SBK2: variants seen among roughly 807,000 people sequenced by gnomAD.
SBK2 encodes the protein serine/threonine-protein kinase SBK2.
SBK2 carries 18 observed loss-of-function variants against 15.9 expected under a neutral mutation model. The ratio of observed to expected loss-of-function variants is 1.13; its 90% CI spans 0.78 to 1.68. The LOEUF is 1.68. Among genes scored for constraint, SBK2 ranks in the 40% most tolerant of loss-of-function variants. The probability of loss-of-function intolerance (pLI) is 0.00; values close to 1 mark genes in which losing one functional copy is unlikely to be tolerated. For missense variants in SBK2, 581 were observed against 510.9 expected (o/e 1.14, Z -1.32); for synonymous variants, 284 against 246.8 (o/e 1.15, Z -1.41).
Position 55,530,205 on chromosome 19 carries a change from C to T in SBK2, c.575G>A (p.Cys192Tyr), listed in dbSNP as rs995070880. 2 of 1,535,220 alleles carry T rather than the reference C, an allele frequency of 1.3e-6. No homozygotes were observed. Among genetic ancestry groups the T allele is most frequent in the African/African-American group, 1.4e-5 (1 of 71,122 alleles). ...CTTGAAGCGCCGGCAGGCCGGGTCG[C>T]ACACCAGGACGTTCTCCGGCTTCAG... ...RDLKPENVLV[C>Y]DPACRRFKLT... Residue 192 changes from cysteine to tyrosine, a missense_variant, in exon 4 of 4, where the codon TGC becomes TAC. Physicochemically the swap from Cys to Tyr is radical, Grantham distance 194. Transcript: ENST00000413299.
chr19:55,533,278 C>T (rs1044853931), intron 2 of SBK2, among the ~76,000 whole-genome samples: 1 of 151,286 alleles, frequency 6.6e-6, no homozygotes, highest in African/African-American at 2.4e-5. Context: ...TTGTAGTGAG[C>T]CAAGATTGTA....
rs751768942 is a variant in SBK2, at chr19:55,531,257, G to A, written c.342C>T (p.Gly114=). The A allele has an allele frequency of 1.5e-5, 25 of 1,613,456 alleles. No homozygotes were observed. Among genetic ancestry groups the A allele is most frequent in the East Asian group, 4.5e-5 (2 of 44,882 alleles). ...AGGCCGTCACGATGGCTGAGTGCGC[G>A]CCCAGCGAGAGCCCCACACAGAACT... ...LYEFCVGLSL[G]AHSAIVTAYG... is the part of the protein sequence containing the mutation. Residue 114 remains glycine (G), a synonymous_variant, in exon 3 of 4, where the codon GGC becomes GGT. Coordinates refer to ENST00000413299, the MANE Select transcript of SBK2 (RefSeq NM_001370096.2).
chr19:55,536,426 C>T, intron 1 of SBK2, 130 bp from the exon 2 acceptor site: 1 of 686,632 alleles, frequency 1.5e-6, no homozygotes, highest in East Asian at 3.9e-5. Context: ...GTGACTCAGT[C>T]TCCCTCTTGG....
intron 2 of SBK2, among the ~76,000 whole-genome samples, chr19:55,533,421 G>A (rs1056495692): frequency 6.6e-5 from 10 of 151,886 alleles, no homozygotes; most frequent in African/African-American, 2.2e-4. Context: ...GCCCAGGTGG[G>A]TGGATCACTT....
chr19:55,531,183 G>A lies in SBK2; in HGVS notation c.416C>T (p.Pro139Leu), dbSNP rs1337403834. The change falls in exon 3 of 4, where the codon CCC (proline) becomes CTC (leucine). Residue 139 changes from proline to leucine, a missense_variant. Coordinates refer to ENST00000413299, the MANE Select transcript of SBK2 (RefSeq NM_001370096.2). Reference sequence around the variant, plus strand: ...GGCCATGAGGTCCCCGTGCAGGACGGGCTCCGTCAGGAAGCTGTAGGAGTG... The same window carrying A: ...GGCCATGAGGTCCCCGTGCAGGACGAGCTCCGTCAGGAAGCTGTAGGAGTG... ...SAHSYSFLTE[P>L]VLHGDLMAFI... 1.2e-6 allele frequency: 2 copies of A among 1,613,044 alleles called. No individual in the cohort carries two copies. Among genetic ancestry groups the A allele is most frequent in the East Asian group, 4.5e-5 (2 of 44,882 alleles).
chr19:55,536,808 C>G (rs1470015966), intron 1 of SBK2, among the ~76,000 whole-genome samples: 1 of 150,954 alleles, frequency 6.6e-6, no homozygotes, highest in East Asian at 2.0e-4. Context: ...CCCTCCTCCG[C>G]CAGGCCCAGG....
chr19:55,536,398 C>T (rs1599945634), intron 1 of SBK2, 102 bp from the exon 2 acceptor site: 3 of 868,300 alleles, frequency 3.5e-6, no homozygotes, highest in Non-Finnish European at 4.4e-6. Context: ...GGGCTGGGGG[C>T]TCATCGCGCT....
intron 3 of SBK2, 111 bp downstream of exon 3, chr19:55,531,032 G>C: frequency 2.1e-6 from 2 of 965,418 alleles, no homozygotes; most frequent in African/African-American, 1.6e-5. Flanking sequence ...GGGTAGGGGA[G>C]GCCCAGGGAG....
chr19:55,530,055 G>A lies in SBK2; in HGVS notation c.725C>T (p.Pro242Leu). The change falls in exon 4 of 4, where the codon CCC becomes CTC. Residue 242 changes from proline to leucine, a missense_variant. Transcript: ENST00000413299. ...PPLPEGLPIQ[P>L]ALDAWALGVL... ...GCCCAGCGCCCAGGCGTCCAGGGCG[G>A]GCTGAATGGGCAGGCCCTCGGGGAG... is the stretch of plus-strand genomic sequence containing the variant. 6.8e-7 allele frequency: 1 copy of A among 1,463,650 alleles called. No homozygotes were observed. The allele number at this position is 1,463,650 out of a possible 1,614,324, so 90.7% of individuals were successfully genotyped here. A position where few individuals can be genotyped will look rare whatever the true frequency, so the allele number is the denominator to read the frequency against.
intron 2 of SBK2, among the ~76,000 whole-genome samples, chr19:55,532,844 AGACG>A: frequency 6.6e-6 from 1 of 152,124 alleles, no homozygotes; most frequent in Admixed American, 6.5e-5. Flanking sequence ...AAATTTGTAG[AGACG>A]GTCTCGCTAT....
rs188284030 is a variant in SBK2 at position 55,531,638 on chromosome 19, G to T, written c.254-293C>A. 2.6e-3 allele frequency among the ~76,000 whole-genome samples: 398 copies of T among 152,332 alleles called. 1 individual carries two copies. Among genetic ancestry groups the T allele is most frequent in the African/African-American group, 9.2e-3 (383 of 41,574 alleles). ...GTGGGAGGATCCGTTGAGGCCAGGA[G>T]TTTGAGACCAGCTCGGACAACACAG... On this transcript the variant is annotated intron_variant, in intron 2 of 3. Coordinates refer to ENST00000413299, the MANE Select transcript of SBK2 (RefSeq NM_001370096.2).
intron 1 of SBK2, among the ~76,000 whole-genome samples, chr19:55,536,501 T>A (rs907874141): frequency 6.7e-6 from 1 of 149,960 alleles, no homozygotes; most frequent in Non-Finnish European, 1.5e-5. Context: ...CCTGCCCGCG[T>A]GCCGCCGCCG....
In SBK2 at chr19:55,529,803, C is replaced by T. The variant is rs1361922517; in HGVS notation, c.977G>A (p.Gly326Glu). Residue 326 changes from glycine (G) to glutamate (E), a missense_variant, in exon 4 of 4, where the codon GGG (glycine) becomes GAG (glutamate). By Grantham distance (98) the Gly-to-Glu change is moderately conservative. Coordinates refer to ENST00000413299, the MANE Select transcript of SBK2 (RefSeq NM_001370096.2). ...GCCCTCCCGCTGCCTCCAGGGGCGCCCCAGGTGCTCCCTGATGGCGATCAC... is the reference window on the plus strand; with the variant it reads ...GCCCTCCCGCTGCCTCCAGGGGCGCTCCAGGTGCTCCCTGATGGCGATCAC... The part of the protein sequence containing the change: ...SAVIAIREHL[G>E]RPWRQREGEA... 4 of 1,604,504 alleles carry T rather than the reference C, an allele frequency of 2.5e-6. No individual in the cohort carries two copies. Among genetic ancestry groups the T allele is most frequent in the East Asian group, 2.2e-5 (1 of 44,834 alleles).
In SBK2 at chr19:55,529,696, T is replaced by G. The variant is rs753955882; in HGVS notation, c.*37A>C. 4.4e-6 allele frequency: 7 copies of G among 1,585,306 alleles called. No homozygotes were observed. In the South Asian group the frequency reaches 6.7e-5, roughly 15 times the overall value. On this transcript the variant is annotated 3_prime_UTR_variant, in exon 4 of 4. Transcript: ENST00000413299. ...AGCCGTTGGCCTTGGGGGCCTCGGG[T>G]GGGGCGGCTTCCCTTTCTGCATCCC... is the stretch of plus-strand genomic sequence containing the variant.
intron 3 of SBK2, 122 bp from the exon 4 acceptor site, chr19:55,530,445 G>T: frequency 1.2e-6 from 1 of 803,616 alleles, no homozygotes; most frequent in Non-Finnish European, 1.8e-6. Context: ...GGCCCTGTGA[G>T]GCCTAGTGTG....
chr19:55,535,011 C>T (rs1407567104), intron 2 of SBK2, among the ~76,000 whole-genome samples: 1 of 150,732 alleles, frequency 6.6e-6, no homozygotes, highest in Non-Finnish European at 1.5e-5. Context: ...GGCAACAGAG[C>T]GAGACTCCAT....
rs1568492522 is a variant in SBK2, at chr19:55,533,698, A to AAT, written c.253+2343_253+2344insAT. ...AAAAAAAAAAAAAAAAAAAAAAAAA[A>AAT]GAAAAAGTTCCTTCCTTATCAAAAA... On this transcript the variant is annotated intron_variant, in intron 2 of 3. Coordinates refer to ENST00000413299, the MANE Select transcript of SBK2 (RefSeq NM_001370096.2). Among the ~76,000 whole-genome samples, 28 of 69,572 alleles carry AAT rather than the reference A, an allele frequency of 4.0e-4. 12 individuals are homozygous for AAT. The highest frequency in any genetic ancestry group is 1.7e-3 in the African/African-American group (28 of 16,180). The allele number at this position is 69,572 out of a possible 152,430, so 45.6% of individuals were successfully genotyped here. A position where few individuals can be genotyped will look rare whatever the true frequency, so the allele number is the denominator to read the frequency against.
At chr19:55,535,901 A>C in intron 2 of SBK2, 141 bp downstream of exon 2, 6 of 833,376 alleles carry the variant, frequency 7.2e-6, no homozygotes, top group Non-Finnish European at 1.0e-5. Context: ...AACCAAAAGA[A>C]CAAAAAACAA....
At chr19:55,531,636 G>A (rs1988270394) in intron 2 of SBK2, among the ~76,000 whole-genome samples, 1 of 152,220 alleles carries the variant, frequency 6.6e-6, no homozygotes, top group Non-Finnish European at 1.5e-5. Context: ...TTGAGGCCAG[G>A]AGTTTGAGAC....
Sources: gnomAD v4.1 joint callset for allele counts (sites outside exome capture counted in the v4.1 genomes callset) on GRCh38, gnomAD v4.1.1 for gene constraint, MANE v1.5 for transcripts, NCBI Gene and HGNC (gene_info 2026-07-23, HGNC 2026-07-21) for gene names.